The following NEGR1 variants were observed in gnomAD, a reference collection of about 807,000 sequenced individuals.
NEGR1 encodes the protein neuronal growth regulator 1.
In NEGR1, 10 loss-of-function variants were observed where a neutral mutation model predicts 40.9. The ratio of observed to expected loss-of-function variants is 0.24; its 90% CI spans 0.15 to 0.42. The LOEUF is 0.42. NEGR1 is among the 10% of genes least tolerant of loss of function. The pLI is 1.00. For missense variants in NEGR1, 352 were observed against 438.9 expected (o/e 0.80, Z 1.77); for synonymous variants, 185 against 166.8 (o/e 1.11, Z -0.84).
chr1:72,280,301 T>G (rs1212693679), intron 1 of NEGR1, among the ~76,000 whole-genome samples: 1 of 152,202 alleles, frequency 6.6e-6, no homozygotes, highest in African/African-American at 2.4e-5. Flanking sequence ...ATTTATTAAA[T>G]TGTTGTTTGT....
chr1:71,467,831 T>C (rs1174072139), intron 6 of NEGR1, among the ~76,000 whole-genome samples: 1 of 152,038 alleles, frequency 6.6e-6, no homozygotes, highest in African/African-American at 2.4e-5. Context: ...TGGTAACCAT[T>C]GAAAATCATC....
intron 4 of NEGR1, among the ~76,000 whole-genome samples, chr1:71,691,437 T>C (rs1653276664): frequency 6.6e-6 from 1 of 151,872 alleles, no homozygotes; most frequent in Non-Finnish European, 1.5e-5. Context: ...TCAGTTCTTT[T>C]AGGAAGTTTC....
intron 1 of NEGR1, among the ~76,000 whole-genome samples, chr1:72,005,912 T>A (rs1033113064): frequency 6.6e-6 from 1 of 152,152 alleles, no homozygotes; most frequent in Admixed American, 6.6e-5. Flanking sequence ...ATGTTAAATA[T>A]ACTTTTCATC....
At chr1:71,417,881 A>C (rs1646366748) in intron 6 of NEGR1, among the ~76,000 whole-genome samples, 1 of 152,182 alleles carries the variant, frequency 6.6e-6, no homozygotes, top group African/African-American at 2.4e-5. Flanking sequence ...TGTTGGCAGG[A>C]GATCATGTGT....
intron 6 of NEGR1, among the ~76,000 whole-genome samples, chr1:71,521,298 G>A (rs543268670): frequency 3.3e-5 from 5 of 152,022 alleles, no homozygotes; most frequent in Admixed American, 6.6e-5. Flanking sequence ...TTCATACCCC[G>A]TTTATAGGAA....
At chr1:71,982,484 G>C (rs1646362206) in intron 1 of NEGR1, among the ~76,000 whole-genome samples, 1 of 152,154 alleles carries the variant, frequency 6.6e-6, no homozygotes, top group South Asian at 2.1e-4. Context: ...TAAAAGAGAT[G>C]ATGTAGCTAT....
intron 1 of NEGR1, among the ~76,000 whole-genome samples, chr1:71,999,676 T>TATATATAC (rs1553129022): frequency 8.3e-4 from 43 of 52,120 alleles, no homozygotes; most frequent in South Asian, 2.1e-3. Flanking sequence ...TATATATATA[T>TATATATAC]ATACATACAT....
chr1:72,209,539 TC>T (rs1196059472), intron 1 of NEGR1, among the ~76,000 whole-genome samples: 3 of 151,900 alleles, frequency 2.0e-5, no homozygotes, highest in African/African-American at 7.2e-5. Flanking sequence ...TCCCACTCAT[TC>T]AGTGAAGATT....
intron 2 of NEGR1, among the ~76,000 whole-genome samples, chr1:71,778,770 T>C (rs12048869): frequency 0.073 from 11,093 of 152,208 alleles, 507 homozygotes; most frequent in East Asian, 0.14. Flanking sequence ...ATCCTCGAAA[T>C]ACCATTATTT....
intron 6 of NEGR1, among the ~76,000 whole-genome samples, chr1:71,499,592 T>C (rs1438321994): frequency 1.3e-5 from 2 of 150,988 alleles, no homozygotes; most frequent in African/African-American, 4.9e-5. Context: ...GAACACAAAG[T>C]TCCTGACCTC....
chr1:71,806,610 C>T (rs1245631065), intron 2 of NEGR1, among the ~76,000 whole-genome samples: 1 of 151,988 alleles, frequency 6.6e-6, no homozygotes, highest in African/African-American at 2.4e-5. Context: ...AAACTTCATA[C>T]TAATGAAGAA....
chr1:72,185,870 C>T (rs886901250), intron 1 of NEGR1, among the ~76,000 whole-genome samples: 2 of 151,750 alleles, frequency 1.3e-5, no homozygotes, highest in African/African-American at 4.8e-5. Context: ...CTTTGTATCA[C>T]TGGTCAACTT....
chr1:72,090,720 C>T lies in NEGR1; in HGVS notation c.177-155409G>A, dbSNP rs571509840. On this transcript the variant is annotated intron_variant, in intron 1 of 6. Coordinates refer to ENST00000357731, the MANE Select transcript of NEGR1 (RefSeq NM_173808.3). ...TCATGAAAATTAAAACGAGCACAGTCTCGGCAGGCGTTAGGCCTACTCACA... is the reference window on the plus strand; with the variant it reads ...TCATGAAAATTAAAACGAGCACAGTTTCGGCAGGCGTTAGGCCTACTCACA... Among the ~76,000 whole-genome samples the T allele has an allele frequency of 9.9e-5, 15 of 152,140 alleles. No individual in the cohort carries two copies. In the South Asian group the frequency reaches 2.7e-3, roughly 27 times the overall value.
At chr1:72,149,485 A>C (rs1414827285) in intron 1 of NEGR1, among the ~76,000 whole-genome samples, 2 of 152,188 alleles carry the variant, frequency 1.3e-5, no homozygotes, top group African/African-American at 4.8e-5. Flanking sequence ...ATTATACACT[A>C]AATTTAAAAT....
chr1:71,471,489 T>C (rs1646781752), intron 6 of NEGR1, among the ~76,000 whole-genome samples: 1 of 151,758 alleles, frequency 6.6e-6, no homozygotes, highest in South Asian at 2.1e-4. Flanking sequence ...CTACTAAAAA[T>C]ACAAAAATCA....
chr1:71,911,941 T>A (rs1183268475), intron 2 of NEGR1, among the ~76,000 whole-genome samples: 1 of 152,182 alleles, frequency 6.6e-6, no homozygotes, highest in African/African-American at 2.4e-5. Context: ...GAGAATAATG[T>A]TTATAATTTG....
chr1:71,591,840 G>A (rs1649510346), intron 6 of NEGR1, among the ~76,000 whole-genome samples: 1 of 152,028 alleles, frequency 6.6e-6, no homozygotes, highest in African/African-American at 2.4e-5. Context: ...ATATTTTTAA[G>A]TTGTAGGAAC....
At chr1:72,276,907 T>C (rs184234020) in intron 1 of NEGR1, among the ~76,000 whole-genome samples, 1 of 152,176 alleles carries the variant, frequency 6.6e-6, no homozygotes, top group East Asian at 1.9e-4. Context: ...TAGAAGGTGG[T>C]AAGATAACCC....
intron 1 of NEGR1, among the ~76,000 whole-genome samples, chr1:71,981,981 G>T (rs1009443151): frequency 3.3e-5 from 5 of 152,122 alleles, no homozygotes; most frequent in Admixed American, 1.3e-4. Flanking sequence ...TTGCAATAAT[G>T]TTTAATGTCT....
Sources: gnomAD v4.1 joint callset for allele counts (sites outside exome capture counted in the v4.1 genomes callset) on GRCh38, gnomAD v4.1.1 for gene constraint, MANE v1.5 for transcripts, NCBI Gene and HGNC (gene_info 2026-07-23, HGNC 2026-07-21) for gene names.